Variants in FBN2 observed in about 807,000 individuals in gnomAD.
FBN2 encodes the protein fibrillin 2.
In FBN2, 105 loss-of-function variants were observed where a neutral mutation model predicts 355.6. The ratio of observed to expected loss-of-function variants is 0.30; its 90% CI spans 0.25 to 0.35. FBN2 has a LOEUF of 0.35. Among genes scored for constraint, FBN2 ranks in the 10% least tolerant of loss-of-function variants. FBN2 has a pLI of 1.00. For synonymous variants in FBN2, 1,350 were observed against 1,301.2 expected (o/e 1.04, Z -0.81); for missense variants, 3,280 against 3,758.7 (o/e 0.87, Z 3.33).
At chr5:128,444,468 T>G (rs1422063858) in intron 7 of FBN2, among the ~76,000 whole-genome samples, 1 of 152,260 alleles carries the variant, frequency 6.6e-6, no homozygotes, top group Non-Finnish European at 1.5e-5. Flanking sequence ...TATACACAAG[T>G]AAGGCCTTCA....
chr5:128,482,735 A>G (rs963547768), intron 5 of FBN2, among the ~76,000 whole-genome samples: 1 of 152,144 alleles, frequency 6.6e-6, no homozygotes, highest in Admixed American at 6.5e-5. Context: ...TGCAAATATT[A>G]AGTTAATATG....
chr5:128,498,009 G>T (rs1361996310), intron 5 of FBN2, among the ~76,000 whole-genome samples: 1 of 152,162 alleles, frequency 6.6e-6, no homozygotes, highest in Non-Finnish European at 1.5e-5. Flanking sequence ...CTGTCCTGAG[G>T]AGGACTGTGA....
At chr5:128,337,955 A>T (rs1188937558) in intron 27 of FBN2, 42 bp downstream of exon 27, 1 of 1,609,948 alleles carries the variant, frequency 6.2e-7, no homozygotes, top group South Asian at 1.1e-5. Flanking sequence ...GGTCTTTACC[A>T]GTTGTGCTGG....
At chr5:128,483,560 T>C (rs1755254312) in intron 5 of FBN2, among the ~76,000 whole-genome samples, 1 of 151,992 alleles carries the variant, frequency 6.6e-6, no homozygotes, top group South Asian at 2.1e-4. Flanking sequence ...ACTGTTAGAT[T>C]TGGGGCAGCA....
At chr5:128,356,794 C>T (rs553784077) in intron 20 of FBN2, among the ~76,000 whole-genome samples, 1 of 152,274 alleles carries the variant, frequency 6.6e-6, no homozygotes, top group South Asian at 2.1e-4. Flanking sequence ...ATCTTCTCTT[C>T]CTTAGAGCCC....
At chr5:128,349,885 T>A in intron 22 of FBN2, 70 bp downstream of exon 22, 1 of 1,177,936 alleles carries the variant, frequency 8.5e-7, no homozygotes, top group Admixed American at 1.7e-5. Flanking sequence ...CTCCAAAGTT[T>A]GAGAGTGAAT....
intron 34 of FBN2, among the ~76,000 whole-genome samples, chr5:128,319,510 GTTAA>G (rs1005215170): frequency 6.3e-5 from 9 of 142,262 alleles, no homozygotes; most frequent in South Asian, 4.5e-4. Context: ...AGTTAATTTA[GTTAA>G]TTAAATAAAT....
chr5:128,478,904 A>T (rs988021157), intron 5 of FBN2, among the ~76,000 whole-genome samples: 1 of 152,214 alleles, frequency 6.6e-6, no homozygotes, highest in African/African-American at 2.4e-5. Flanking sequence ...TTTGCTCATA[A>T]AATAGTTTTA....
rs75456821 is a variant in FBN2, at chr5:128,415,716, A to T, written c.953-6917T>A. Among the ~76,000 whole-genome samples the T allele has an allele frequency of 6.5e-3, 994 of 152,252 alleles. 9 individuals carry two copies. Among genetic ancestry groups the T allele is most frequent in the African/African-American group, 0.023 (935 of 41,536 alleles). Reference sequence around the variant, plus strand: ...TAATAATTTCCTTTGAATAAATGCTATGTAGTGGAACTGCCAGATCACATG... The same window carrying T: ...TAATAATTTCCTTTGAATAAATGCTTTGTAGTGGAACTGCCAGATCACATG... On this transcript the variant is annotated intron_variant, in intron 7 of 64. Transcript: ENST00000262464.
rs762327764 is a variant in FBN2, at chr5:128,288,470, C to A, written c.6725G>T (p.Gly2242Val). 6.2e-7 allele frequency: 1 copy of A among 1,614,094 alleles called. No individual in the cohort carries two copies. ...ATTCATCATGGGCCCTGGCTCAAAGCCTTCATTGCAATTGCATTCAAAACT... is the reference window on the plus strand; with the variant it reads ...ATTCATCATGGGCCCTGGCTCAAAGACTTCATTGCAATTGCATTCAAAACT... The part of the protein sequence containing the change: ...IGSFECNCNE[G>V]FEPGPMMNCE... The change falls in exon 53 of 65, where the codon GGC (glycine) becomes GTC (valine). Residue 2242 changes from glycine (G) to valine (V), a missense_variant. By Grantham distance (109) the Gly-to-Val change is moderately radical. Coordinates refer to ENST00000262464, the MANE Select transcript of FBN2 (RefSeq NM_001999.4).
intron 48 of FBN2, 55 bp from the exon 49 acceptor site, chr5:128,291,709 G>T: frequency 6.6e-7 from 1 of 1,525,852 alleles, no homozygotes; most frequent in Non-Finnish European, 9.1e-7. Flanking sequence ...ATAAACAATT[G>T]TCCATACTAT....
intron 32 of FBN2, 94 bp downstream of exon 32, chr5:128,332,818 T>G: frequency 8.2e-7 from 1 of 1,218,566 alleles, no homozygotes; most frequent in Admixed American, 1.7e-5. Flanking sequence ...ATAAAGGAAT[T>G]AATAAAAGTG....
At chr5:128,365,367 T>C (rs1230140712) in intron 17 of FBN2, 1 of 152,224 alleles carries the variant, frequency 6.6e-6, no homozygotes, top group Admixed American at 6.5e-5. Flanking sequence ...CAATAGAGGC[T>C]GGCTCTGCTG....
At chr5:128,501,713 A>G (rs1233517232) in intron 5 of FBN2, among the ~76,000 whole-genome samples, 1 of 152,174 alleles carries the variant, frequency 6.6e-6, no homozygotes, top group Non-Finnish European at 1.5e-5. Context: ...GTGAAATAAA[A>G]GAGAAACTTC....
At chr5:128,496,670 A>G (rs961866193) in intron 5 of FBN2, among the ~76,000 whole-genome samples, 1 of 152,144 alleles carries the variant, frequency 6.6e-6, no homozygotes, top group East Asian at 1.9e-4. Flanking sequence ...AGACAAGAAA[A>G]GAAAAGAAAA....
intron 8 of FBN2, among the ~76,000 whole-genome samples, chr5:128,407,200 G>C (rs1752948643): frequency 1.3e-5 from 2 of 152,140 alleles, no homozygotes; most frequent in South Asian, 4.1e-4. Context: ...AGTCAGAGAG[G>C]TCAGGATTTG....
At chr5:128,315,810 A>C (rs1424899269) in intron 36 of FBN2, among the ~76,000 whole-genome samples, 1 of 152,218 alleles carries the variant, frequency 6.6e-6, no homozygotes, top group Non-Finnish European at 1.5e-5. Flanking sequence ...TCTATTGACT[A>C]AGTGGATGAG....
chr5:128,386,731 T>C (rs536376580), intron 11 of FBN2, among the ~76,000 whole-genome samples: 52 of 152,244 alleles, frequency 3.4e-4, no homozygotes, highest in Middle Eastern at 3.4e-3. Context: ...AAATCTCTAA[T>C]AAAATACATT....
At chr5:128,505,149 C>T (rs543977360) in intron 5 of FBN2, among the ~76,000 whole-genome samples, 78 of 152,324 alleles carry the variant, frequency 5.1e-4, no homozygotes, top group Admixed American at 7.2e-4. Flanking sequence ...TCAATTAAAC[C>T]TCTTTCCTTT....
Sources: allele counts gnomAD v4.1 joint callset (sites outside exome capture counted in the v4.1 genomes callset), GRCh38; gene constraint gnomAD v4.1.1; transcripts MANE v1.5; gene names NCBI Gene and HGNC (gene_info 2026-07-23, HGNC 2026-07-21).